Variants in ANKRD11 observed in about 807,000 individuals in gnomAD.
ANKRD11 encodes ankyrin repeat domain 11.
ANKRD11 carries 17 observed loss-of-function variants against 195.7 expected under a neutral mutation model. The observed-to-expected ratio is 0.09, with a 90% CI of 0.06 to 0.13. The LOEUF (loss-of-function observed/expected upper bound fraction) is 0.13, where lower values mean the gene tolerates loss of function less well. Ranked by LOEUF, ANKRD11 falls within the 10% of genes least tolerant of loss-of-function variation. The pLI is 1.00. For missense variants in ANKRD11, 3,735 were observed against 3,566.1 expected, an observed-to-expected ratio of 1.05 and a Z score of -1.21; for synonymous variants, 1,953 against 1,528.1, an observed-to-expected ratio of 1.28 and a Z score of -6.49.
chr16:89,280,029 G>T lies in ANKRD11; in HGVS notation c.6513C>A (p.Pro2171=). 1.2e-6 allele frequency: 2 copies of T among 1,612,566 alleles called. No individual in the cohort carries two copies. Among genetic ancestry groups the T allele is most frequent in the Non-Finnish European group, 1.7e-6 (2 of 1,179,916 alleles). The change falls in exon 9 of 13, where the codon CCC becomes CCA. Residue 2171 remains proline (P), a synonymous_variant. Coordinates refer to ENST00000301030, the MANE Select transcript of ANKRD11 (RefSeq NM_013275.6). ...APPEEMPPGA[P]GVINGGDVST... ...AAACATCCCCACCGTTTATGACCCC[G>T]GGGGCCCCTGGAGGCATCTCTTCTG...
intron 1 of ANKRD11, among the ~76,000 whole-genome samples, chr16:89,446,222 C>G (rs2043785528): frequency 6.6e-6 from 1 of 152,098 alleles, no homozygotes; most frequent in Admixed American, 6.5e-5. Context: ...TATTGGGATA[C>G]AGAGTGTCGA....
Position 89,291,100 on chromosome 16 carries a change from C to T in ANKRD11, c.310G>A (p.Gly104Arg). 1 of 1,613,906 alleles carries T rather than the reference C, an allele frequency of 6.2e-7. No individual in the cohort carries two copies. The highest frequency in any genetic ancestry group is 8.5e-7 in the Non-Finnish European group (1 of 1,179,970). ...AGLLFGMGLSGIRAGYPLSER... is the reference protein window; with the variant it reads ...AGLLFGMGLSRIRAGYPLSER... ...GAGAGGGGGTAGCCGGCTCGGATTC[C>T]AGACAGCCCCATGCCAAACAGCAGC... Residue 104 changes from glycine to arginine, a missense_variant, in exon 5 of 13, where the codon GGA (glycine) becomes AGA (arginine). By Grantham distance (125) the Gly-to-Arg change is moderately radical. Transcript: ENST00000301030. This position sits in a 1 kb window ranked among gnomAD's most constrained non-coding sequence, Gnocchi z 5.3.
At chr16:89,326,852 GC>G (rs1240687650) in intron 2 of ANKRD11, among the ~76,000 whole-genome samples, 1 of 152,234 alleles carries the variant, frequency 6.6e-6, no homozygotes, top group Admixed American at 6.5e-5. Context: ...CACAAAGCCT[GC>G]CCGCCAGGGG....
At position 89,281,185 on chromosome 16, in the gene ANKRD11, T is replaced by C. The variant is rs758053289; in HGVS notation, c.5357A>G (p.Asn1786Ser). The C allele has an allele frequency of 6.8e-6, 11 of 1,613,712 alleles. No homozygotes were observed. In the South Asian group the frequency reaches 1.1e-4, roughly 16 times the overall value. The change falls in exon 9 of 13, where the codon AAC (asparagine) becomes AGC (serine). Residue 1786 changes from asparagine to serine, a missense_variant. Physicochemically the swap from Asn to Ser is conservative, Grantham distance 46. Coordinates refer to ENST00000301030, the MANE Select transcript of ANKRD11 (RefSeq NM_013275.6). This position sits in a 1 kb window ranked among gnomAD's most constrained non-coding sequence, Gnocchi z 5.5. ...SQAPARPLST[N>S]LYRSVSVDIR... ...GTCGACAGAGACCGAGCGGTAAAGG[T>C]TTGTGGAGAGAGGCCTGGCAGGAGC...
intron 2 of ANKRD11, among the ~76,000 whole-genome samples, chr16:89,332,501 G>A (rs2038120210): frequency 1.3e-5 from 2 of 152,212 alleles, no homozygotes; most frequent in Admixed American, 6.5e-5. Flanking sequence ...ACAAATGCAA[G>A]AAAACAGCCT....
chr16:89,279,478 G>C lies in ANKRD11; in HGVS notation c.7064C>G (p.Ser2355Cys). Reference protein sequence around the residue: ...ANQSKQGPPPSEKECAPTPAP... With the variant: ...ANQSKQGPPPCEKECAPTPAP... ...AGGGGTGGGGGCGCACTCCTTCTCG[G>C]AGGGGGGCGGGCCCTGCTTGCTCTG... The change falls in exon 9 of 13, where the codon TCC becomes TGC. Residue 2355 changes from serine (S) to cysteine (C), a missense_variant. Transcript: ENST00000301030. This position sits in a 1 kb window ranked among gnomAD's most constrained non-coding sequence, Gnocchi z 5.6. 1 of 1,379,826 alleles carries C rather than the reference G, an allele frequency of 7.2e-7. No individual in the cohort carries two copies. The highest frequency in any genetic ancestry group is 9.8e-7 in the Non-Finnish European group (1 of 1,016,218). The allele number at this position is 1,379,826 out of a possible 1,614,324, so 85.5% of individuals were successfully genotyped here. A position where few individuals can be genotyped will look rare whatever the true frequency, so the allele number is the denominator to read the frequency against.
intron 12 of ANKRD11, 142 bp downstream of exon 12, chr16:89,270,673 TAA>T: frequency 1.2e-6 from 1 of 824,616 alleles, no homozygotes. Flanking sequence ...TCGGCCAGAT[TAA>T]GAGAATCTGA....
intron 1 of ANKRD11, among the ~76,000 whole-genome samples, chr16:89,459,706 C>T (rs1463427147): frequency 6.6e-6 from 1 of 152,106 alleles, no homozygotes; most frequent in Non-Finnish European, 1.5e-5. Flanking sequence ...TGCTTGTAAT[C>T]CCAGCACACT....
chr16:89,295,976 T>A (rs1413996591), intron 4 of ANKRD11, among the ~76,000 whole-genome samples: 2 of 133,316 alleles, frequency 1.5e-5, no homozygotes, highest in African/African-American at 5.9e-5. Flanking sequence ...GTCTTCTCTA[T>A]CTGGCTGCCT....
At chr16:89,432,944 A>ATCTCTCTCTCTCTCTC (rs56770747) in intron 1 of ANKRD11, among the ~76,000 whole-genome samples, 4 of 108,732 alleles carry the variant, frequency 3.7e-5, no homozygotes, top group South Asian at 3.5e-4. Flanking sequence ...CAGAGACCCT[A>ATCTCTCTCTCTCTCTC]TCTCTCTCTC....
At chr16:89,366,586 C>T (rs973250088) in intron 2 of ANKRD11, among the ~76,000 whole-genome samples, 1 of 152,196 alleles carries the variant, frequency 6.6e-6, no homozygotes. Flanking sequence ...GGTTTCCACT[C>T]GCTGAAATCA....
chr16:89,287,216 G>A (rs918068326), intron 7 of ANKRD11: 22 of 699,466 alleles, frequency 3.1e-5, no homozygotes, highest in African/African-American at 5.7e-5. Flanking sequence ...GGCCAGCAGC[G>A]CAGGTGCGGC....
chr16:89,462,984 C>T (rs1405540976), intron 1 of ANKRD11, among the ~76,000 whole-genome samples: 2 of 151,150 alleles, frequency 1.3e-5, no homozygotes, highest in African/African-American at 4.9e-5. Flanking sequence ...CCAGCCGCCC[C>T]GTCCGGGAGG....
rs556400432 is a variant in ANKRD11, at chr16:89,489,687, CT to C, written c.-145+557del. Among the ~76,000 whole-genome samples, 107 of 151,812 alleles carry C rather than the reference CT, an allele frequency of 7.0e-4. 1 individual carries two copies. Among genetic ancestry groups the C allele is most frequent in the African/African-American group, 2.6e-3 (106 of 41,470 alleles). On this transcript the variant is annotated intron_variant, in intron 1 of 12. Coordinates refer to ENST00000301030, the MANE Select transcript of ANKRD11 (RefSeq NM_013275.6). ...GAACCCGGCGCCCGGCCAGCGCCCC[CT>C]GGCAGCCCCTCCCGGCAGCCTCAGG...
chr16:89,311,659 G>A (rs575708642), intron 3 of ANKRD11, among the ~76,000 whole-genome samples: 6 of 152,252 alleles, frequency 3.9e-5, no homozygotes, highest in South Asian at 2.1e-4. Flanking sequence ...TGTGACCTTC[G>A]TTTGCCAAAG....
At chr16:89,489,966 C>A (rs1189183972) in intron 1 of ANKRD11, among the ~76,000 whole-genome samples, 1 of 147,548 alleles carries the variant, frequency 6.8e-6, no homozygotes, top group Admixed American at 6.7e-5. Context: ...CCAGGCCCCC[C>A]CCGGAGCCCC....
At chr16:89,342,128 T>TC (rs1218836770) in intron 2 of ANKRD11, among the ~76,000 whole-genome samples, 3 of 151,776 alleles carry the variant, frequency 2.0e-5, no homozygotes, top group African/African-American at 7.3e-5. Flanking sequence ...GGGCACTTGG[T>TC]CCCTTCTCTC....
chr16:89,323,853 A>G lies in ANKRD11; in HGVS notation c.-59-6775T>C, dbSNP rs573751531. On this transcript the variant is annotated intron_variant, in intron 2 of 12. Coordinates refer to ENST00000301030, the MANE Select transcript of ANKRD11 (RefSeq NM_013275.6). ...TCACTCTGTGCAAAGGACTCCTAAC[A>G]TGGGTGTCCTCCGTCTCACCCCATA... 1.3e-3 allele frequency: 281 copies of G among 222,302 alleles called. 1 individual carries two copies. Among genetic ancestry groups the G allele is most frequent in the Middle Eastern group, 3.2e-3 (2 of 622 alleles). 13.8% of individuals were successfully genotyped at this position (222,302 alleles called of 1,614,324 possible). A position where few individuals can be genotyped will look rare whatever the true frequency, so the allele number is the denominator to read the frequency against.
At chr16:89,307,415 T>C (rs974976001) in intron 3 of ANKRD11, among the ~76,000 whole-genome samples, 4 of 152,202 alleles carry the variant, frequency 2.6e-5, no homozygotes, top group Non-Finnish European at 5.9e-5. Context: ...ATGAAAGAGC[T>C]TTCCAGAACA....
Sources: allele counts gnomAD v4.1 joint callset (sites outside exome capture counted in the v4.1 genomes callset), GRCh38; gene constraint gnomAD v4.1.1; non-coding constraint Gnocchi (gnomAD v3.1); transcripts MANE v1.5; gene names NCBI Gene and HGNC (gene_info 2026-07-23, HGNC 2026-07-21).